The following DPH6 variants were observed in gnomAD, a reference collection of about 807,000 sequenced individuals.
DPH6 encodes diphthamine biosynthesis 6, also known as diphthine--ammonia ligase.
Under a neutral mutation model 38.2 loss-of-function variants are expected in DPH6, and 33 were observed. The ratio of observed to expected loss-of-function variants is 0.86; its 90% CI spans 0.65 to 1.15. The LOEUF (loss-of-function observed/expected upper bound fraction) is 1.15, where lower values mean the gene tolerates loss of function less well. Ranked by LOEUF, DPH6 falls within the 50% of genes most tolerant of loss-of-function variation. The pLI is 0.00. For synonymous variants in DPH6, 108 were observed against 103.0 expected (o/e 1.05, Z -0.30); for missense variants, 325 against 320.0 (o/e 1.02, Z -0.12).
the DPH6 span, among the ~76,000 whole-genome samples, chr15:35,212,222 C>CT: frequency 2.4e-4 from 35 of 148,208 alleles, 3 homozygotes; most frequent in South Asian, 6.4e-4. Context: ...CTGTGGACCA[C>CT]TTTTTTTTTT....
chr15:35,347,615 A>G (rs961121418), intron 3 of DPH6, among the ~76,000 whole-genome samples: 4 of 152,128 alleles, frequency 2.6e-5, no homozygotes, highest in Non-Finnish European at 5.9e-5. Flanking sequence ...TATCTCTTCA[A>G]TATCTTATTT....
At chr15:35,282,692 T>A (rs2051907135) in intron 3 of DPH6, 1 of 393,552 alleles carries the variant, frequency 2.5e-6, no homozygotes, top group African/African-American at 2.1e-5. Flanking sequence ...AGGTGCAATT[T>A]ACATTGATGT....
chr15:35,489,580 T>C, intron 3 of DPH6: 1 of 982,910 alleles, frequency 1.0e-6, no homozygotes, highest in Non-Finnish European at 1.2e-6. Context: ...TTCTGAATAA[T>C]CATAAAAAAT....
chr15:35,248,634 G>C (rs1408273713), intron 3 of DPH6, among the ~76,000 whole-genome samples: 1 of 152,176 alleles, frequency 6.6e-6, no homozygotes, highest in Non-Finnish European at 1.5e-5. Context: ...TCAATCTGAA[G>C]GCTCCCATGT....
At chr15:35,147,277 A>G in the DPH6 span, among the ~76,000 whole-genome samples, 14 of 152,234 alleles carry the variant, frequency 9.2e-5, no homozygotes, top group Non-Finnish European at 1.8e-4. Context: ...TAAGATTTAA[A>G]GCCAGACAGC....
chr15:35,374,551 T>C (rs751411586), intron 7 of DPH6, among the ~76,000 whole-genome samples: 3 of 152,080 alleles, frequency 2.0e-5, no homozygotes, highest in African/African-American at 4.8e-5. Flanking sequence ...ATAAGCAAAA[T>C]GTTTACTTCC....
At chr15:35,477,485 T>C (rs2054276845) in intron 3 of DPH6, among the ~76,000 whole-genome samples, 1 of 151,822 alleles carries the variant, frequency 6.6e-6, no homozygotes, top group Non-Finnish European at 1.5e-5. Context: ...AGCATATTCA[T>C]TCATTAGAGT....
intron 3 of DPH6, chr15:35,489,679 A>G: frequency 2.1e-6 from 2 of 973,070 alleles, no homozygotes; most frequent in East Asian, 1.1e-4. Context: ...TGTATACAGA[A>G]TAAGATCTCT....
At chr15:35,538,194 G>A (rs545925401) in intron 3 of DPH6, 80 bp downstream of exon 3, 126 of 1,242,308 alleles carry the variant, frequency 1.0e-4, no homozygotes, top group South Asian at 2.2e-4. Flanking sequence ...TGCAAATTAC[G>A]GATTACTAAA....
intron 3 of DPH6, among the ~76,000 whole-genome samples, chr15:35,265,621 T>TA (rs761592837): frequency 1.2e-4 from 18 of 152,122 alleles, no homozygotes; most frequent in Non-Finnish European, 2.5e-4. Flanking sequence ...TCTCTGCCTT[T>TA]AAAAAAAATT....
intron 3 of DPH6, among the ~76,000 whole-genome samples, chr15:35,285,581 C>G (rs963917890): frequency 3.9e-5 from 6 of 152,012 alleles, no homozygotes; most frequent in African/African-American, 1.4e-4. Context: ...TTGTAAATTG[C>G]CCAGTCTTGA....
At chr15:35,400,938 G>C (rs2053209382) in intron 6 of DPH6, 1 of 1,043,854 alleles carries the variant, frequency 9.6e-7, no homozygotes, top group Admixed American at 1.7e-5. Context: ...ATGAAGAGTT[G>C]TGGAACCAAA....
At chr15:35,170,905 C>T in the DPH6 span, among the ~76,000 whole-genome samples, 14 of 152,206 alleles carry the variant, frequency 9.2e-5, no homozygotes, top group African/African-American at 2.9e-4. Flanking sequence ...ACTTTCTTTT[C>T]GCCTTTCTAA....
In DPH6 at chr15:35,470,409, G is replaced by A. The variant is rs371026290; in HGVS notation, c.313-15589C>T. 1.9e-3 allele frequency among the ~76,000 whole-genome samples: 291 copies of A among 152,246 alleles called. 5 individuals are homozygous for A. In the South Asian group the frequency reaches 0.059, roughly 31 times the overall value. On this transcript the variant is annotated intron_variant, in intron 3 of 8. Coordinates refer to ENST00000256538, the MANE Select transcript of DPH6 (RefSeq NM_080650.4). ...AAAATAAAAAAGTTCACTGGATTTGGTCATTACTGACCTTGACAAGAGAAG... is the reference window on the plus strand; with the variant it reads ...AAAATAAAAAAGTTCACTGGATTTGATCATTACTGACCTTGACAAGAGAAG...
chr15:35,210,454 T>C, the DPH6 span, among the ~76,000 whole-genome samples: 6,334 of 152,242 alleles, frequency 0.042, 155 homozygotes, highest in African/African-American at 0.074. Flanking sequence ...TTGACTGAGT[T>C]TACTCATGGA....
intron 5 of DPH6, among the ~76,000 whole-genome samples, chr15:35,448,399 G>A (rs943385182): frequency 6.6e-6 from 1 of 152,132 alleles, no homozygotes; most frequent in Admixed American, 6.5e-5. Flanking sequence ...GTGGAAGAAA[G>A]AGTGCAGTGA....
chr15:35,246,915 G>C (rs983728127), intron 3 of DPH6, among the ~76,000 whole-genome samples: 1 of 136,178 alleles, frequency 7.3e-6, no homozygotes, highest in Non-Finnish European at 1.5e-5. Context: ...TAGATCTTCC[G>C]TAAGAACAAT....
chr15:35,442,388 A>G (rs1007807253), intron 5 of DPH6, among the ~76,000 whole-genome samples: 2 of 152,222 alleles, frequency 1.3e-5, no homozygotes, highest in Non-Finnish European at 2.9e-5. Flanking sequence ...ACTGTTGGCT[A>G]GGATGTGAAA....
rs371533654 is a variant in DPH6, at chr15:35,436,504, C to CAAAAAAACAAA, written c.505+14180_505+14181insTTTGTTTTTTT. ...AAAAACAAAACAAAACAAAACAAAA[C>CAAAAAAACAAA]AAAACAAAACAAAAAAGGTTCTCTC... On this transcript the variant is annotated intron_variant, in intron 5 of 8. Coordinates refer to ENST00000256538, the MANE Select transcript of DPH6 (RefSeq NM_080650.4). 7.9e-4 allele frequency among the ~76,000 whole-genome samples: 85 copies of CAAAAAAACAAA among 108,186 alleles called. 8 individuals are homozygous for CAAAAAAACAAA. The East Asian group carries it at 9.2e-3, about 12-fold the overall frequency. The allele number at this position is 108,186 out of a possible 152,430, so 71.0% of individuals were successfully genotyped here. A position where few individuals can be genotyped will look rare whatever the true frequency, so the allele number is the denominator to read the frequency against.
Sources: gnomAD v4.1 joint callset for allele counts (sites outside exome capture counted in the v4.1 genomes callset) on GRCh38, gnomAD v4.1.1 for gene constraint, MANE v1.5 for transcripts, NCBI Gene and HGNC (gene_info 2026-07-23, HGNC 2026-07-21) for gene names.